MKLN1: variants seen among roughly 807,000 people sequenced by gnomAD.
MKLN1 encodes the protein muskelin.
In MKLN1, 18 loss-of-function variants were observed where a neutral mutation model predicts 99.0. The observed-to-expected ratio is 0.18, with a 90% CI of 0.13 to 0.27. The LOEUF is 0.27. MKLN1 is among the 10% of genes least tolerant of loss of function. The pLI is 1.00. For missense variants in MKLN1, 621 were observed against 875.9 expected (o/e 0.71, Z 3.67); for synonymous variants, 288 against 293.2 (o/e 0.98, Z 0.18).
At position 131,133,782 on chromosome 7, in the gene MKLN1, C is replaced by T. The variant is rs192557669; in HGVS notation, c.-418-9038C>T. ...GATTATAGGCATAAGCCACTACACC[C>T]GGCCCAGGTTGACTTCTTTTTTTTT... On this transcript the variant is annotated intron_variant, in intron 1 of 7. Transcript: ENST00000416992. Among the ~76,000 whole-genome samples the T allele has an allele frequency of 2.6e-4, 38 of 145,252 alleles. No homozygotes were observed. The East Asian group carries it at 4.2e-3, about 16-fold the overall frequency.
At chr7:131,163,611 T>G (rs951731702) in intron 2 of MKLN1, among the ~76,000 whole-genome samples, 1 of 152,144 alleles carries the variant, frequency 6.6e-6, no homozygotes, top group African/African-American at 2.4e-5. Context: ...CCTGCCCTCT[T>G]CTAAGTTTCA....
At chr7:131,338,713 C>G (rs193017659) in intron 1 of MKLN1, among the ~76,000 whole-genome samples, 2 of 152,122 alleles carry the variant, frequency 1.3e-5, no homozygotes, top group African/African-American at 4.8e-5. Context: ...ACGACTTGAT[C>G]CCCAGAGTTC....
intron 2 of MKLN1, among the ~76,000 whole-genome samples, chr7:131,383,040 A>T (rs1258262157): frequency 6.6e-6 from 1 of 152,108 alleles, no homozygotes; most frequent in Non-Finnish European, 1.5e-5. Flanking sequence ...GATATTTTAT[A>T]TATGTCCTGT....
At chr7:131,342,568 C>T (rs1221234389) in intron 1 of MKLN1, among the ~76,000 whole-genome samples, 2 of 152,180 alleles carry the variant, frequency 1.3e-5, no homozygotes, top group African/African-American at 4.8e-5. Flanking sequence ...TTTCCTTACA[C>T]AAAAGAAGAC....
At chr7:131,250,430 A>G (rs1016872309) in intron 3 of MKLN1, among the ~76,000 whole-genome samples, 1 of 152,158 alleles carries the variant, frequency 6.6e-6, no homozygotes, top group Non-Finnish European at 1.5e-5. Flanking sequence ...CTCCTAACAC[A>G]TGGCCTGGCT....
chr7:131,323,647 T>G (rs1318593882), upstream of MKLN1: 2 of 152,122 alleles, frequency 1.3e-5, no homozygotes, highest in Non-Finnish European at 2.9e-5. Context: ...GTGTTCAGGT[T>G]TTGAACACTC....
At chr7:131,200,525 A>G (rs1246828182) in intron 2 of MKLN1, among the ~76,000 whole-genome samples, 1 of 152,252 alleles carries the variant, frequency 6.6e-6, no homozygotes, top group Non-Finnish European at 1.5e-5. Context: ...GACTAATGCT[A>G]ATACAAAATT....
At chr7:131,239,955 G>A (rs1372307188) in intron 3 of MKLN1, among the ~76,000 whole-genome samples, 2 of 152,208 alleles carry the variant, frequency 1.3e-5, no homozygotes, top group African/African-American at 4.8e-5. Flanking sequence ...GCTGAGGCAG[G>A]ATGATCACTC....
chr7:131,474,357 T>C (rs899401179), intron 16 of MKLN1, among the ~76,000 whole-genome samples: 3 of 152,188 alleles, frequency 2.0e-5, no homozygotes. Flanking sequence ...TGGGGACTCC[T>C]GACTGGCATT....
chr7:131,448,777 T>G (rs535874302), intron 12 of MKLN1, among the ~76,000 whole-genome samples: 4 of 152,366 alleles, frequency 2.6e-5, no homozygotes, highest in African/African-American at 7.2e-5. Flanking sequence ...GTGTTCAGTG[T>G]GTAATTGGTT....
chr7:131,437,742 C>A, intron 9 of MKLN1, 43 bp from the exon 10 acceptor site: 2 of 1,346,810 alleles, frequency 1.5e-6, no homozygotes, highest in Non-Finnish European at 2.1e-6. Context: ...TTTTTTTTTG[C>A]TCTTTATTTG....
At chr7:131,172,130 TTTTTA>T (rs1042476067) in intron 2 of MKLN1, among the ~76,000 whole-genome samples, 2 of 151,930 alleles carry the variant, frequency 1.3e-5, no homozygotes, top group Admixed American at 6.6e-5. Context: ...TATTTATTTA[TTTTTA>T]TTTTATTTTA....
intron 9 of MKLN1, among the ~76,000 whole-genome samples, chr7:131,432,800 A>C (rs1485840987): frequency 6.6e-6 from 1 of 152,218 alleles, no homozygotes; most frequent in Non-Finnish European, 1.5e-5. Context: ...TGGCTCAATA[A>C]AAGACATCTG....
intron 1 of MKLN1, among the ~76,000 whole-genome samples, chr7:131,364,220 T>G (rs1216977555): frequency 6.6e-6 from 1 of 152,202 alleles, no homozygotes; most frequent in African/African-American, 2.4e-5. Flanking sequence ...TTTATTTATT[T>G]ACATGTACTT....
chr7:131,140,947 T>C (rs566329930), intron 1 of MKLN1, among the ~76,000 whole-genome samples: 9 of 152,182 alleles, frequency 5.9e-5, no homozygotes, highest in African/African-American at 2.2e-4. Flanking sequence ...GCCTGGCTAA[T>C]TTTTTTGTCT....
chr7:131,331,564 C>A (rs545183552), intron 1 of MKLN1, among the ~76,000 whole-genome samples: 1 of 152,268 alleles, frequency 6.6e-6, no homozygotes, highest in South Asian at 2.1e-4. Flanking sequence ...GCAGGAGGAT[C>A]ACTTGTGCCC....
intron 10 of MKLN1, among the ~76,000 whole-genome samples, chr7:131,441,283 C>G (rs1290748275): frequency 6.6e-6 from 1 of 152,040 alleles, no homozygotes; most frequent in African/African-American, 2.4e-5. Flanking sequence ...TACTTAGAAG[C>G]CTTTATAGCA....
chr7:131,151,631 T>C (rs1353495213), intron 2 of MKLN1, among the ~76,000 whole-genome samples: 1 of 152,248 alleles, frequency 6.6e-6, no homozygotes, highest in African/African-American at 2.4e-5. Flanking sequence ...GTTATTTTAT[T>C]CACTGCATCA....
intron 3 of MKLN1, chr7:131,309,989 T>C (rs989914641): frequency 1.3e-5 from 2 of 152,010 alleles, no homozygotes; most frequent in African/African-American, 4.8e-5. Flanking sequence ...CCTCCCAAAA[T>C]GCTGGGATTA....
Sources: allele counts gnomAD v4.1 joint callset (sites outside exome capture counted in the v4.1 genomes callset), GRCh38; gene constraint gnomAD v4.1.1; transcripts MANE v1.5; gene names NCBI Gene and HGNC (gene_info 2026-07-23, HGNC 2026-07-21).